B4GALT6: variants seen among roughly 807,000 people sequenced by gnomAD.
The protein encoded by B4GALT6 is beta-1,4-galactosyltransferase 6.
Under a neutral mutation model 46.3 loss-of-function variants are expected in B4GALT6, and 14 were observed. That is an observed-to-expected ratio of 0.30 (90% CI 0.20 to 0.47). The LOEUF (loss-of-function observed/expected upper bound fraction) is 0.47. B4GALT6 is among the 20% of genes least tolerant of loss of function. The pLI, the probability that B4GALT6 is intolerant of heterozygous loss-of-function variation, is 0.99. For synonymous variants in B4GALT6, 168 were observed against 162.0 expected (o/e 1.04, Z -0.28); for missense variants, 386 against 480.1 (o/e 0.80, Z 1.83).
intron 6 of B4GALT6, among the ~76,000 whole-genome samples, chr18:31,629,910 TA>T (rs1239200419): frequency 6.7e-6 from 1 of 148,650 alleles, no homozygotes; most frequent in Non-Finnish European, 1.5e-5. Context: ...TTCTTCAAGG[TA>T]ACCCCATACT....
rs1003735354 is a variant in B4GALT6, at chr18:31,625,171, A to T, written c.*443T>A. On this transcript the variant is annotated 3_prime_UTR_variant, in exon 9 of 9. Coordinates refer to ENST00000306851, the MANE Select transcript of B4GALT6 (RefSeq NM_004775.5). ...TTTAGTGAGTTTTTTTCATGCAAAT[A>T]AAAAATGTCTATAAAAGTCCAATAA... 6.5e-6 allele frequency: 1 copy of T among 153,804 alleles called. No individual in the cohort carries two copies. Among genetic ancestry groups the T allele is most frequent in the African/African-American group, 2.4e-5 (1 of 41,496 alleles). 9.5% of individuals were successfully genotyped at this position (153,804 alleles called of 1,614,324 possible). A position where few individuals can be genotyped will look rare whatever the true frequency, so the allele number is the denominator to read the frequency against.
At chr18:31,719,429 G>A in the B4GALT6 span, among the ~76,000 whole-genome samples, 1 of 152,180 alleles carries the variant, frequency 6.6e-6, no homozygotes. Flanking sequence ...AAATATGAAG[G>A]AAGCTTGGGG....
At chr18:31,717,093 ACT>A in the B4GALT6 span, among the ~76,000 whole-genome samples, 1 of 152,170 alleles carries the variant, frequency 6.6e-6, no homozygotes, top group South Asian at 2.1e-4. Flanking sequence ...ACAGAGTGAG[ACT>A]CTATCTCAAA....
intron 1 of B4GALT6, among the ~76,000 whole-genome samples, chr18:31,670,335 G>A (rs1598921565): frequency 6.6e-6 from 1 of 152,164 alleles, no homozygotes; most frequent in South Asian, 2.1e-4. Flanking sequence ...GATCACAGGC[G>A]TGAGCCACCG....
At chr18:31,716,931 C>T in the B4GALT6 span, among the ~76,000 whole-genome samples, 1 of 152,096 alleles carries the variant, frequency 6.6e-6, no homozygotes, top group Non-Finnish European at 1.5e-5. Flanking sequence ...GAAACCCCAC[C>T]TCCACTAAAA....
rs375927068 is a variant in B4GALT6, at chr18:31,623,656, G to A, written c.*1958C>T. On this transcript the variant is annotated 3_prime_UTR_variant, in exon 9 of 9. Transcript: ENST00000306851. ...TAATTTTCAGAAGGTTTGATTTTTC[G>A]AGTACCATAAAAAAACTGAAATATA... is the stretch of plus-strand genomic sequence containing the variant. 6.6e-6 allele frequency: 1 copy of A among 152,160 alleles called. No homozygotes were observed. The allele number at this position is 152,160 out of a possible 1,614,324, so 9.4% of individuals were successfully genotyped here. A position where few individuals can be genotyped will look rare whatever the true frequency, so the allele number is the denominator to read the frequency against.
chr18:31,643,909 G>A lies in B4GALT6; in HGVS notation c.471+1446C>T, dbSNP rs150692751. Among the ~76,000 whole-genome samples, 751 of 152,148 alleles carry A rather than the reference G, an allele frequency of 4.9e-3. 4 individuals carry two copies. The highest frequency in any genetic ancestry group is 0.017 in the Middle Eastern group (5 of 294). ...AACCTCCATGCTATCCCACAGCCTCGGTGACTGAGTATGCTTCTTTTTCTA... is the reference window on the plus strand; with the variant it reads ...AACCTCCATGCTATCCCACAGCCTCAGTGACTGAGTATGCTTCTTTTTCTA... On this transcript the variant is annotated intron_variant, in intron 4 of 8. Transcript: ENST00000306851.
intron 2 of B4GALT6, 81 bp downstream of exon 2, chr18:31,666,175 T>C: frequency 1.4e-6 from 1 of 691,598 alleles, no homozygotes; most frequent in South Asian, 2.8e-5. Context: ...TAACAGGAAG[T>C]TACCTGAAGG....
At chr18:31,678,943 G>C (rs2074448456) in intron 1 of B4GALT6, among the ~76,000 whole-genome samples, 2 of 152,212 alleles carry the variant, frequency 1.3e-5, no homozygotes, top group African/African-American at 4.8e-5. Flanking sequence ...TGAGAAACAG[G>C]CTTTCCACAG....
At chr18:31,685,608 G>C (rs955512373), upstream of B4GALT6, 2 of 152,472 alleles carry the variant, frequency 1.3e-5, no homozygotes, top group African/African-American at 4.8e-5. Context: ...ACCGCCTCCT[G>C]CGTCACCGCC....
chr18:31,669,729 C>T lies in B4GALT6; in HGVS notation c.116-3357G>A, dbSNP rs1413638195. Among the ~76,000 whole-genome samples the T allele has an allele frequency of 3.9e-5, 6 of 152,190 alleles. No homozygotes were observed. In the East Asian group the frequency reaches 1.2e-3, roughly 29 times the overall value. ...GCCTAAGTGAAGACCCAAAGTTCAACTGAAATTATCTGGGTGGGGCAGCAT... is the reference window on the plus strand; with the variant it reads ...GCCTAAGTGAAGACCCAAAGTTCAATTGAAATTATCTGGGTGGGGCAGCAT... On this transcript the variant is annotated intron_variant, in intron 1 of 8. Coordinates refer to ENST00000306851, the MANE Select transcript of B4GALT6 (RefSeq NM_004775.5).
At chr18:31,708,303 G>A in the B4GALT6 span, among the ~76,000 whole-genome samples, 45 of 152,296 alleles carry the variant, frequency 3.0e-4, no homozygotes, top group Admixed American at 2.8e-3. Flanking sequence ...GGTGGCTCAT[G>A]CCTATAATCC....
At chr18:31,639,068 C>T (rs2073898377) in intron 4 of B4GALT6, among the ~76,000 whole-genome samples, 1 of 152,070 alleles carries the variant, frequency 6.6e-6, no homozygotes, top group Non-Finnish European at 1.5e-5. Flanking sequence ...ACTTTGGTGG[C>T]AATATGGAGG....
At chr18:31,631,620 A>G (rs964466475) in intron 5 of B4GALT6, among the ~76,000 whole-genome samples, 18 of 152,154 alleles carry the variant, frequency 1.2e-4, no homozygotes, top group Non-Finnish European at 2.5e-4. Flanking sequence ...GGCGAGAAAA[A>G]AAAAGTCATT....
Position 31,684,346 on chromosome 18 carries a change from G to C in B4GALT6, c.81C>G (p.Ser27=). 6.2e-7 allele frequency: 1 copy of C among 1,613,828 alleles called. No homozygotes were observed. The highest frequency in any genetic ancestry group is 1.3e-5 in the African/African-American group (1 of 74,984). Residue 27 remains serine, a synonymous_variant, in exon 1 of 9, where the codon TCC becomes TCG. Transcript: ENST00000306851. ...AFIFFFSLSS[S]CLYFIYVAPG... The stretch of plus-strand genomic sequence containing the variant: ...GGGCCACATAGATGAAGTACAGACA[G>C]GACGAAGAGAGGGAGAAGAAGAAGA...
rs1217256257 is a variant in B4GALT6, at chr18:31,631,015, G to A, written c.720C>T (p.Tyr240=). Residue 240 remains tyrosine (Y), a synonymous_variant, in exon 6 of 9, where the codon TAC becomes TAT. Coordinates refer to ENST00000306851, the MANE Select transcript of B4GALT6 (RefSeq NM_004775.5). The part of the protein sequence containing the change: ...DHLPENDRNY[Y]GCGEMPRHFA... ...AATGACGTGGCATTTCTCCACATCC[G>A]TAATAGTTCCGGTCATTTTCAGGTA... The A allele has an allele frequency of 9.9e-6, 16 of 1,613,948 alleles. No individual in the cohort carries two copies. Among genetic ancestry groups the A allele is most frequent in the South Asian group, 5.5e-5 (5 of 91,078 alleles).
intron 7 of B4GALT6, 105 bp from the exon 8 acceptor site, chr18:31,626,489 C>T: frequency 1.7e-6 from 1 of 596,626 alleles, no homozygotes; most frequent in Non-Finnish European, 2.8e-6. Flanking sequence ...TCCAGGGTTC[C>T]CCAACCCCTG....
At chr18:31,687,664 A>G (rs537915328), upstream of B4GALT6, among the ~76,000 whole-genome samples, 10 of 152,294 alleles carry the variant, frequency 6.6e-5, no homozygotes, top group African/African-American at 2.4e-4. Flanking sequence ...ACAGAAATAA[A>G]TTTTATTTAA....
At chr18:31,638,486 C>T (rs2073890043) in intron 5 of B4GALT6, among the ~76,000 whole-genome samples, 158 bp downstream of exon 5, 1 of 152,104 alleles carries the variant, frequency 6.6e-6, no homozygotes, top group South Asian at 2.1e-4. Flanking sequence ...GAGATCGCGC[C>T]ACTGCATTCC....
Sources: allele counts gnomAD v4.1 joint callset (sites outside exome capture counted in the v4.1 genomes callset), GRCh38; gene constraint gnomAD v4.1.1; transcripts MANE v1.5; gene names NCBI Gene and HGNC (gene_info 2026-07-23, HGNC 2026-07-21).